The following EPHX2 variants were observed in gnomAD, a reference collection of about 807,000 sequenced individuals.
EPHX2 encodes the protein epoxide hydrolase 2.
A neutral mutation model predicts 78.7 loss-of-function variants in EPHX2; 74 were observed. The ratio of observed to expected loss-of-function variants is 0.94; its 90% confidence interval spans 0.78 to 1.14. The LOEUF (loss-of-function observed/expected upper bound fraction) is 1.14, where lower values mean the gene tolerates loss of function less well. Among genes scored for constraint, EPHX2 ranks in the 50% most tolerant of loss-of-function variants. The probability of loss-of-function intolerance (pLI) is 0.00; values close to 1 mark genes in which losing one functional copy is unlikely to be tolerated. For synonymous variants in EPHX2, 251 were observed against 255.2 expected, an observed-to-expected ratio of 0.98 and a Z score of 0.16; for missense variants, 715 against 702.5, an observed-to-expected ratio of 1.02 and a Z score of -0.20.
chr8:27,536,635 T>C (rs967171552), intron 12 of EPHX2, 149 bp from the exon 13 acceptor site: 2 of 743,342 alleles, frequency 2.7e-6, no homozygotes, highest in African/African-American at 3.5e-5. Context: ...ACATGTTTTA[T>C]GATGAAAATT....
intron 12 of EPHX2, among the ~76,000 whole-genome samples, chr8:27,535,532 G>A (rs1454178951): frequency 6.6e-6 from 1 of 152,110 alleles, no homozygotes; most frequent in Non-Finnish European, 1.5e-5. Context: ...CAGGACAGCT[G>A]TTTTCTCCTA....
chr8:27,526,171 C>G (rs1160892754), intron 12 of EPHX2, among the ~76,000 whole-genome samples: 1 of 152,248 alleles, frequency 6.6e-6, no homozygotes, highest in Non-Finnish European at 1.5e-5. Flanking sequence ...CTCCCACGTT[C>G]CTCTCCCAGC....
chr8:27,520,976 G>C, intron 10 of EPHX2, 67 bp downstream of exon 10: 1 of 1,604,990 alleles, frequency 6.2e-7, no homozygotes, highest in Non-Finnish European at 8.5e-7. Context: ...TAAAGAAAAG[G>C]CGTCAGCCTC....
intron 5 of EPHX2, among the ~76,000 whole-genome samples, chr8:27,508,195 C>T (rs62504281): frequency 0.11 from 17,127 of 152,120 alleles, 1,016 homozygotes; most frequent in African/African-American, 0.16. Context: ...CCCAGCTGCT[C>T]GGGAAGCTGA....
At chr8:27,519,297 C>T (rs1410691928) in intron 9 of EPHX2, among the ~76,000 whole-genome samples, 2 of 152,212 alleles carry the variant, frequency 1.3e-5, no homozygotes, top group Non-Finnish European at 2.9e-5. Flanking sequence ...AGAGGAATGA[C>T]GTGCTGGTGC....
intron 16 of EPHX2, 60 bp from the exon 17 acceptor site, chr8:27,543,689 G>A (rs1405315772): frequency 1.9e-6 from 3 of 1,571,632 alleles, no homozygotes. Flanking sequence ...TCTTTCAGAG[G>A]AGGAGGGAGG....
chr8:27,525,415 CTT>C lies in EPHX2; in HGVS notation c.1114_1115del (p.Leu372GlyfsTer10). On this transcript the variant is annotated frameshift_variant, in exon 12 of 19. Transcript: ENST00000521400. LOFTEE classifies it high-confidence loss of function. ...ATACCAGCAAATCCCAACATGTCCC[CTT>C]TGGAGAGTATCAAAGCCAACCCAGT... is the stretch of plus-strand genomic sequence containing the variant. The C allele has an allele frequency of 6.2e-7, 1 of 1,614,156 alleles. No individual in the cohort carries two copies. The highest frequency in any genetic ancestry group is 8.5e-7 in the Non-Finnish European group (1 of 1,180,038).
intron 12 of EPHX2, among the ~76,000 whole-genome samples, chr8:27,527,951 T>C (rs780251870): frequency 1.3e-5 from 2 of 152,074 alleles, no homozygotes; most frequent in Non-Finnish European, 2.9e-5. Flanking sequence ...CATGATTGGG[T>C]CAGGATATCG....
At chr8:27,531,289 T>C (rs1015808401) in intron 12 of EPHX2, among the ~76,000 whole-genome samples, 2 of 152,192 alleles carry the variant, frequency 1.3e-5, no homozygotes, top group African/African-American at 4.8e-5. Context: ...AGGGCTGTTA[T>C]GGACAGAAAG....
At chr8:27,528,400 G>T (rs79132313) in intron 12 of EPHX2, among the ~76,000 whole-genome samples, 2,476 of 152,280 alleles carry the variant, frequency 0.016, 65 homozygotes, top group African/African-American at 0.056. Context: ...GCTGGGACTG[G>T]AGGAGAAATC....
intron 10 of EPHX2, among the ~76,000 whole-genome samples, chr8:27,521,208 C>A (rs1263642040): frequency 6.6e-6 from 1 of 152,188 alleles, no homozygotes. Context: ...GGAAAATACC[C>A]CATAGGCTAA....
intron 5 of EPHX2, among the ~76,000 whole-genome samples, chr8:27,509,401 A>G (rs1413683620): frequency 6.6e-6 from 1 of 152,052 alleles, no homozygotes; most frequent in Non-Finnish European, 1.5e-5. Context: ...CTACGAGTGG[A>G]ATTACTGGAT....
chr8:27,543,635 C>G, intron 16 of EPHX2, 114 bp from the exon 17 acceptor site: 2 of 1,009,670 alleles, frequency 2.0e-6, no homozygotes, highest in Non-Finnish European at 3.0e-6. Flanking sequence ...GTGCAAAGTT[C>G]GGCAGATACA....
chr8:27,499,670 G>A (rs1435268088), intron 1 of EPHX2, among the ~76,000 whole-genome samples: 2 of 152,130 alleles, frequency 1.3e-5, no homozygotes, highest in East Asian at 1.9e-4. Context: ...AAATACATTT[G>A]TTCTGTTACT....
At chr8:27,524,938 T>C (rs1814770890) in intron 11 of EPHX2, among the ~76,000 whole-genome samples, 1 of 152,070 alleles carries the variant, frequency 6.6e-6, no homozygotes, top group Non-Finnish European at 1.5e-5. Context: ...GTATATGCCA[T>C]AGAATTATGC....
intron 10 of EPHX2, among the ~76,000 whole-genome samples, chr8:27,521,962 A>G (rs1004303671): frequency 6.6e-6 from 1 of 152,230 alleles, no homozygotes; most frequent in Non-Finnish European, 1.5e-5. Flanking sequence ...GTCATTTTCA[A>G]TACCAGCAGC....
At chr8:27,517,328 A>T (rs891538195) in intron 8 of EPHX2, among the ~76,000 whole-genome samples, 5 of 152,190 alleles carry the variant, frequency 3.3e-5, no homozygotes, top group African/African-American at 1.2e-4. Context: ...TAACCTACAG[A>T]TGCAATGCAA....
chr8:27,539,662 C>T (rs1344949758), intron 14 of EPHX2, among the ~76,000 whole-genome samples: 2 of 152,222 alleles, frequency 1.3e-5, no homozygotes, highest in Non-Finnish European at 2.9e-5. Flanking sequence ...CTCAGCTACC[C>T]AGACACACGA....
intron 13 of EPHX2, among the ~76,000 whole-genome samples, chr8:27,537,209 T>C (rs1019763366): frequency 3.9e-5 from 6 of 152,198 alleles, no homozygotes; most frequent in African/African-American, 1.4e-4. Flanking sequence ...CTGTCTTAGG[T>C]GTTAGGAGTC....
Sources: allele counts gnomAD v4.1 joint callset (sites outside exome capture counted in the v4.1 genomes callset), GRCh38; gene constraint gnomAD v4.1.1; transcripts MANE v1.5; gene names NCBI Gene and HGNC (gene_info 2026-07-23, HGNC 2026-07-21).